Variants in TMEM65 observed in about 807,000 individuals in gnomAD.
TMEM65 encodes the protein transmembrane protein 65.
A neutral mutation model predicts 25.4 loss-of-function variants in TMEM65; 22 were observed. That is an observed-to-expected ratio of 0.86 (90% CI 0.62 to 1.23). The LOEUF is 1.23. TMEM65 is among the 50% of genes most tolerant of loss of function. The probability of loss-of-function intolerance (pLI) is 0.00; values close to 1 mark genes in which losing one functional copy is unlikely to be tolerated. For missense variants in TMEM65, 262 were observed against 308.2 expected, an observed-to-expected ratio of 0.85 and a Z score of 1.12; for synonymous variants, 132 against 126.2, an observed-to-expected ratio of 1.05 and a Z score of -0.31.
chr8:124,334,995 T>C (rs1006885752), intron 1 of TMEM65, among the ~76,000 whole-genome samples: 18 of 152,010 alleles, frequency 1.2e-4, no homozygotes, highest in Non-Finnish European at 2.2e-4. Flanking sequence ...TATGTATGAT[T>C]GTAATTAAAA....
At chr8:124,333,112 T>A (rs1179387925) in intron 1 of TMEM65, among the ~76,000 whole-genome samples, 1 of 151,710 alleles carries the variant, frequency 6.6e-6, no homozygotes, top group Admixed American at 6.6e-5. Flanking sequence ...CAATTTTTTT[T>A]AAAATCAGAA....
chr8:124,330,514 T>C (rs898886280), intron 2 of TMEM65, among the ~76,000 whole-genome samples: 2 of 151,950 alleles, frequency 1.3e-5, no homozygotes, highest in Non-Finnish European at 2.9e-5. Context: ...TATTTCTAAA[T>C]GGCAACAATA....
Position 124,331,140 on chromosome 8 carries a change from A to C in TMEM65, c.305-348T>G, listed in dbSNP as rs564876006. On this transcript the variant is annotated intron_variant, in intron 1 of 6. Transcript: ENST00000297632. ...CACTAGAAAAACACTTTAGAAATAA[A>C]GGTACTCTTCTTTCAGATGGCAACC... is the stretch of plus-strand genomic sequence containing the variant. 2.6e-5 allele frequency among the ~76,000 whole-genome samples: 4 copies of C among 151,988 alleles called. No homozygotes were observed. In the South Asian group the frequency reaches 8.3e-4, roughly 31 times the overall value.
At chr8:124,318,521 G>A (rs1039930186) in intron 6 of TMEM65, among the ~76,000 whole-genome samples, 5 of 151,288 alleles carry the variant, frequency 3.3e-5, no homozygotes, top group African/African-American at 4.9e-5. Flanking sequence ...GATTACAGGC[G>A]CCTGCCACCA....
At position 124,312,129 on chromosome 8, in the gene TMEM65, C is replaced by A. The variant is rs767872190; in HGVS notation, c.*1831G>T. The A allele has an allele frequency of 1.3e-5, 2 of 151,940 alleles. No individual in the cohort carries two copies. The highest frequency in any genetic ancestry group is 2.9e-5 in the Non-Finnish European group (2 of 67,818). The allele number at this position is 151,940 out of a possible 1,614,324, so 9.4% of individuals were successfully genotyped here. ...CTTACACTTTACCCCACCCTTCCCCCCCCAAAAATTTAAGCACTCTAATCC... is the reference window on the plus strand; with the variant it reads ...CTTACACTTTACCCCACCCTTCCCCACCCAAAAATTTAAGCACTCTAATCC... On this transcript the variant is annotated 3_prime_UTR_variant, in exon 7 of 7. Transcript: ENST00000297632.
chr8:124,355,647 T>TG lies in TMEM65; in HGVS notation c.304+16206_304+16207insC, dbSNP rs1368829614. Among the ~76,000 whole-genome samples, 32 of 152,344 alleles carry TG rather than the reference T, an allele frequency of 2.1e-4. No individual in the cohort carries two copies. The East Asian group carries it at 6.2e-3, about 29-fold the overall frequency. ...TCACTGTGTGATATAACATAGGGGC[T>TG]TCATCCCACCTTTATAATGAAACAC... On this transcript the variant is annotated intron_variant, in intron 1 of 6. Coordinates refer to ENST00000297632, the MANE Select transcript of TMEM65 (RefSeq NM_194291.3).
Position 124,314,044 on chromosome 8 carries a change from C to G in TMEM65, c.639G>C (p.Val213=). 2.5e-6 allele frequency: 4 copies of G among 1,613,508 alleles called. No individual in the cohort carries two copies. Among genetic ancestry groups the G allele is most frequent in the Non-Finnish European group, 3.4e-6 (4 of 1,179,708 alleles). The change falls in exon 7 of 7, where the codon GTG becomes GTC. Residue 213 remains valine (V), a synonymous_variant. Coordinates refer to ENST00000297632, the MANE Select transcript of TMEM65 (RefSeq NM_194291.3). ...ACATTCCTAGAATGCAGCCAATAGT[C>G]ACCCCAACAGCTTTGCCCTAAGGAA... The part of the protein sequence containing the change: ...LSTHLGKAVG[V]TIGCILGMFP...
At chr8:124,360,621 T>C (rs527961240) in intron 1 of TMEM65, among the ~76,000 whole-genome samples, 1 of 152,062 alleles carries the variant, frequency 6.6e-6, no homozygotes, top group Non-Finnish European at 1.5e-5. Flanking sequence ...CCTTCTTCCT[T>C]GGTTTGGGCA....
chr8:124,313,797 C>A lies in TMEM65; in HGVS notation c.*163G>T. On this transcript the variant is annotated 3_prime_UTR_variant, in exon 7 of 7. Coordinates refer to ENST00000297632, the MANE Select transcript of TMEM65 (RefSeq NM_194291.3). ...TAAACAGCTTTTTAAAAAAGATGTCCTAAGAAGATCAAGCCACAATAAGTT... is the reference window on the plus strand; with the variant it reads ...TAAACAGCTTTTTAAAAAAGATGTCATAAGAAGATCAAGCCACAATAAGTT... 1.7e-6 allele frequency: 1 copy of A among 577,866 alleles called. No homozygotes were observed. Among genetic ancestry groups the A allele is most frequent in the Non-Finnish European group, 3.0e-6 (1 of 327,984 alleles). The allele number at this position is 577,866 out of a possible 1,614,324, so 35.8% of individuals were successfully genotyped here.
chr8:124,367,939 A>G (rs1814961311), intron 1 of TMEM65, among the ~76,000 whole-genome samples: 2 of 152,356 alleles, frequency 1.3e-5, no homozygotes, highest in South Asian at 2.1e-4. Flanking sequence ...GCTATATGTA[A>G]AAACAATCTC....
chr8:124,354,112 C>CT (rs1469351144), intron 1 of TMEM65, among the ~76,000 whole-genome samples: 3 of 152,070 alleles, frequency 2.0e-5, no homozygotes, highest in African/African-American at 7.2e-5. Flanking sequence ...AAATTGGTTT[C>CT]TCTCAAAGAC....
At chr8:124,355,331 C>T (rs1814765260) in intron 1 of TMEM65, among the ~76,000 whole-genome samples, 1 of 152,114 alleles carries the variant, frequency 6.6e-6, no homozygotes, top group Admixed American at 6.5e-5. Context: ...AAATGTACCA[C>T]ATCTTATATT....
intron 1 of TMEM65, among the ~76,000 whole-genome samples, chr8:124,344,251 T>A (rs1201258958): frequency 2.0e-5 from 3 of 152,174 alleles, no homozygotes; most frequent in Non-Finnish European, 4.4e-5. Context: ...AACTGGAAAA[T>A]GAACATTGGT....
At chr8:124,347,890 C>CT (rs10713773) in intron 1 of TMEM65, among the ~76,000 whole-genome samples, 53 of 117,338 alleles carry the variant, frequency 4.5e-4, no homozygotes, top group Non-Finnish European at 6.4e-4. Flanking sequence ...AATAATTTTT[C>CT]TTTTTTTTTT....
At chr8:124,352,642 AG>A (rs1814726518) in intron 1 of TMEM65, among the ~76,000 whole-genome samples, 1 of 152,182 alleles carries the variant, frequency 6.6e-6, no homozygotes, top group Non-Finnish European at 1.5e-5. Flanking sequence ...GCAGGATTTC[AG>A]TAAGTGAGGG....
chr8:124,341,301 T>C (rs943694089), intron 1 of TMEM65, among the ~76,000 whole-genome samples: 2 of 152,028 alleles, frequency 1.3e-5, no homozygotes, highest in Non-Finnish European at 2.9e-5. Flanking sequence ...AAGAAAGTTG[T>C]AGGTTTGCAA....
At chr8:124,335,279 A>G (rs1310998723) in intron 1 of TMEM65, among the ~76,000 whole-genome samples, 2 of 152,208 alleles carry the variant, frequency 1.3e-5, no homozygotes, top group Non-Finnish European at 2.9e-5. Flanking sequence ...TTTAAGAATG[A>G]AGGCAAAATG....
intron 3 of TMEM65, among the ~76,000 whole-genome samples, chr8:124,325,512 C>G (rs1419244192): frequency 6.6e-6 from 1 of 151,818 alleles, no homozygotes; most frequent in Non-Finnish European, 1.5e-5. Context: ...ACATTTATTT[C>G]AGTATTATTT....
At chr8:124,359,686 G>A (rs893013899) in intron 1 of TMEM65, among the ~76,000 whole-genome samples, 3 of 151,718 alleles carry the variant, frequency 2.0e-5, no homozygotes, top group African/African-American at 7.3e-5. Flanking sequence ...AAGCTGCAGC[G>A]AGCTGAGATC....
Sources: gnomAD v4.1 joint callset for allele counts (sites outside exome capture counted in the v4.1 genomes callset) on GRCh38, gnomAD v4.1.1 for gene constraint, MANE v1.5 for transcripts, NCBI Gene and HGNC (gene_info 2026-07-23, HGNC 2026-07-21) for gene names.